FSIP1: variants seen among roughly 807,000 people sequenced by gnomAD.
FSIP1 encodes the protein fibrous sheath interacting protein 1.
FSIP1 carries 65 observed loss-of-function variants against 60.9 expected under a neutral mutation model. The observed-to-expected ratio is 1.07, with a 90% CI of 0.87 to 1.31. The LOEUF (loss-of-function observed/expected upper bound fraction) is 1.31. Ranked by LOEUF, FSIP1 falls within the 40% of genes most tolerant of loss-of-function variation. FSIP1 has a pLI of 0.00. For synonymous variants in FSIP1, 209 were observed against 221.2 expected (o/e 0.94, Z 0.49); for missense variants, 675 against 665.5 (o/e 1.01, Z -0.16).
chr15:39,617,856 A>C lies in FSIP1; in HGVS notation c.1578T>G (p.Thr526=), dbSNP rs771000827. Residue 526 remains threonine, a synonymous_variant, in exon 11 of 12, where the codon ACT becomes ACG. Transcript: ENST00000350221. ...SDTKDYFMSK[T]LGIGRLKRPS... ...GCCTTTTCAGTCTCCCAATGCCAAG[A>C]GTCTTCGACATAAAATAGTCTTTTG... 1 of 1,614,168 alleles carries C rather than the reference A, an allele frequency of 6.2e-7. No homozygotes were observed. The highest frequency in any genetic ancestry group is 2.2e-5 in the East Asian group (1 of 44,870).
At chr15:39,753,369 C>A (rs918465072) in intron 5 of FSIP1, among the ~76,000 whole-genome samples, 2 of 152,004 alleles carry the variant, frequency 1.3e-5, no homozygotes, top group Non-Finnish European at 2.9e-5. Context: ...ACACATACAT[C>A]GACTCTCCAC....
At chr15:39,772,880 C>G (rs1045558082) in intron 2 of FSIP1, among the ~76,000 whole-genome samples, 1 of 152,078 alleles carries the variant, frequency 6.6e-6, no homozygotes, top group Admixed American at 6.5e-5. Flanking sequence ...CGTGAGCCAC[C>G]GTGCCCAGCC....
At chr15:39,650,034 C>G (rs1365867406) in intron 10 of FSIP1, among the ~76,000 whole-genome samples, 1 of 152,230 alleles carries the variant, frequency 6.6e-6, no homozygotes, top group Admixed American at 6.5e-5. Flanking sequence ...ACTCAGCGTC[C>G]TTATCCTCGG....
intron 10 of FSIP1, among the ~76,000 whole-genome samples, chr15:39,653,212 A>G (rs895327123): frequency 6.0e-5 from 9 of 150,546 alleles, no homozygotes; most frequent in Non-Finnish European, 1.2e-4. Context: ...GAAAAATGGT[A>G]TGCCTGATTA....
intron 10 of FSIP1, among the ~76,000 whole-genome samples, chr15:39,645,514 G>GCT (rs1892556704): frequency 1.3e-5 from 2 of 152,162 alleles, no homozygotes; most frequent in African/African-American, 4.8e-5. Context: ...TCTTGGGGGA[G>GCT]CCAGGAACAG....
chr15:39,765,243 T>TTC (rs1379837434), intron 4 of FSIP1, among the ~76,000 whole-genome samples: 7 of 114,270 alleles, frequency 6.1e-5, no homozygotes, highest in Admixed American at 3.6e-4. Flanking sequence ...AATTCTTTCT[T>TTC]TTTTTTTTTT....
intron 3 of FSIP1, 48 bp from the exon 4 acceptor site, chr15:39,765,794 T>C (rs1897665672): frequency 6.5e-6 from 7 of 1,081,070 alleles, no homozygotes; most frequent in Admixed American, 2.7e-5. Flanking sequence ...AGTAAAACTA[T>C]AAAGTTTTGT....
intron 3 of FSIP1, among the ~76,000 whole-genome samples, 160 bp from the exon 4 acceptor site, chr15:39,765,906 A>G (rs1008543957): frequency 2.0e-5 from 3 of 152,212 alleles, no homozygotes; most frequent in Non-Finnish European, 2.9e-5. Context: ...GTGCTTTCAC[A>G]TGTGTTTGTC....
chr15:39,766,039 T>A (rs1314938936), intron 3 of FSIP1, among the ~76,000 whole-genome samples: 1 of 152,242 alleles, frequency 6.6e-6, no homozygotes, highest in Non-Finnish European at 1.5e-5. Flanking sequence ...CCTCGTGATT[T>A]TAAATCCCAA....
intron 5 of FSIP1, among the ~76,000 whole-genome samples, chr15:39,755,621 A>G (rs573665952): frequency 6.6e-6 from 1 of 152,290 alleles, no homozygotes; most frequent in South Asian, 2.1e-4. Context: ...CCCTCTGCAT[A>G]TCAGAGTAGA....
At chr15:39,698,723 G>A (rs979160068) in intron 10 of FSIP1, among the ~76,000 whole-genome samples, 1 of 152,148 alleles carries the variant, frequency 6.6e-6, no homozygotes, top group South Asian at 2.1e-4. Context: ...GTTCAAACTC[G>A]CTTCCCACAG....
chr15:39,701,861 C>T (rs568680776), intron 10 of FSIP1, among the ~76,000 whole-genome samples: 31 of 152,202 alleles, frequency 2.0e-4, no homozygotes, highest in African/African-American at 7.2e-4. Flanking sequence ...GGATTCAAGG[C>T]CCTTCAGTTT....
chr15:39,653,713 G>A (rs1342496165), intron 10 of FSIP1, among the ~76,000 whole-genome samples: 2 of 152,086 alleles, frequency 1.3e-5, no homozygotes, highest in East Asian at 1.9e-4. Context: ...AGCTTTAAAA[G>A]GGGGAATTTC....
chr15:39,736,807 G>A (rs1906162), intron 8 of FSIP1, among the ~76,000 whole-genome samples: 6,224 of 152,312 alleles, frequency 0.041, 222 homozygotes, highest in East Asian at 0.18. Context: ...AGGGCCAAGC[G>A]AGGATGTGGT....
Position 39,628,154 on chromosome 15 carries a change from C to T in FSIP1, c.1189-9909G>A, listed in dbSNP as rs113723921. On this transcript the variant is annotated intron_variant, in intron 10 of 11. Coordinates refer to ENST00000350221, the MANE Select transcript of FSIP1 (RefSeq NM_152597.5). ...GTGGTTTCTACTGGCATATCTGGGA[C>T]GAGAGCAGCAGAGTACTGTCCAAGA... 6.0e-3 allele frequency among the ~76,000 whole-genome samples: 914 copies of T among 152,220 alleles called. 11 individuals are homozygous for T. Among genetic ancestry groups the T allele is most frequent in the African/African-American group, 0.021 (863 of 41,528 alleles).
intron 11 of FSIP1, among the ~76,000 whole-genome samples, chr15:39,605,444 A>T (rs1272733475): frequency 6.6e-6 from 1 of 152,164 alleles, no homozygotes; most frequent in Admixed American, 6.5e-5. Flanking sequence ...ATCACCAGGG[A>T]TCTTATTAAA....
chr15:39,663,178 T>G (rs1453128306), intron 10 of FSIP1, among the ~76,000 whole-genome samples: 1 of 152,182 alleles, frequency 6.6e-6, no homozygotes, highest in African/African-American at 2.4e-5. Context: ...TACCATATAA[T>G]AGTGACAAAA....
intron 9 of FSIP1, among the ~76,000 whole-genome samples, chr15:39,725,128 G>A (rs1896137970): frequency 6.6e-6 from 1 of 152,148 alleles, no homozygotes; most frequent in South Asian, 2.1e-4. Context: ...CTACTCAGGA[G>A]GCTAAGGCAG....
chr15:39,738,020 A>C, intron 8 of FSIP1, 71 bp downstream of exon 8: 1 of 869,294 alleles, frequency 1.2e-6, no homozygotes, highest in Non-Finnish European at 1.8e-6. Context: ...AATTTATGAT[A>C]CTGGGCCAAT....
Sources: allele counts gnomAD v4.1 joint callset (sites outside exome capture counted in the v4.1 genomes callset), GRCh38; gene constraint gnomAD v4.1.1; transcripts MANE v1.5; gene names NCBI Gene and HGNC (gene_info 2026-07-23, HGNC 2026-07-21).